KATNAL2: variants seen among roughly 807,000 people sequenced by gnomAD.
KATNAL2 encodes the protein katanin catalytic subunit A1 like 2.
KATNAL2 carries 52 observed loss-of-function variants against 76.3 expected under a neutral mutation model. That is an observed-to-expected ratio of 0.68 (90% CI 0.55 to 0.86). The LOEUF (loss-of-function observed/expected upper bound fraction) is 0.86. Ranked by LOEUF, KATNAL2 falls within the 40% of genes least tolerant of loss-of-function variation. KATNAL2 has a pLI of 0.00. For synonymous variants in KATNAL2, 243 were observed against 244.2 expected (o/e 1.00, Z 0.05); for missense variants, 660 against 668.9 (o/e 0.99, Z 0.15).
chr18:47,033,867 TGA>T (rs1197319609), intron 3 of KATNAL2: 1 of 1,613,880 alleles, frequency 6.2e-7, no homozygotes, highest in African/African-American at 1.3e-5. Flanking sequence ...TCCAGGCCTC[TGA>T]GAGGTCCCAG....
intron 15 of KATNAL2, among the ~76,000 whole-genome samples, chr18:47,094,812 C>G (rs2147393210): frequency 6.6e-6 from 1 of 152,310 alleles, no homozygotes; most frequent in Admixed American, 6.5e-5. Flanking sequence ...TTCAACTGAG[C>G]CTGGTGTTTC....
At chr18:47,081,630 A>G (rs1395622716) in intron 15 of KATNAL2, among the ~76,000 whole-genome samples, 1 of 152,182 alleles carries the variant, frequency 6.6e-6, no homozygotes, top group East Asian at 1.9e-4. Flanking sequence ...GCAGAAATGG[A>G]CAGTTGCCTC....
chr18:47,089,941 A>G (rs2062927722), intron 15 of KATNAL2, among the ~76,000 whole-genome samples: 1 of 152,092 alleles, frequency 6.6e-6, no homozygotes, highest in South Asian at 2.1e-4. Context: ...AGATTAGGTT[A>G]TAAGACTGGC....
At chr18:47,081,262 G>A (rs754705104) in intron 15 of KATNAL2, among the ~76,000 whole-genome samples, 21 of 151,904 alleles carry the variant, frequency 1.4e-4, no homozygotes, top group Middle Eastern at 3.2e-3. Context: ...ATTCAACAGC[G>A]GCACTGTCTA....
rs1485633532 is a variant in KATNAL2, at chr18:47,053,934, C to T, written c.290-462C>T. ...GATCTCACTTCCAGATGGCTAGTTC[C>T]CATCTAGCATGATACCCAAATTCTC... On this transcript the variant is annotated intron_variant, in intron 5 of 17. Transcript: ENST00000683218. 4.6e-5 allele frequency among the ~76,000 whole-genome samples: 7 copies of T among 152,278 alleles called. No homozygotes were observed. The South Asian group carries it at 1.0e-3, about 23-fold the overall frequency.
intron 4 of KATNAL2, among the ~76,000 whole-genome samples, chr18:47,052,437 T>C (rs1266304192): frequency 6.6e-6 from 1 of 152,238 alleles, no homozygotes; most frequent in Non-Finnish European, 1.5e-5. Flanking sequence ...ATTACTTCAA[T>C]GATGGCAAAT....
At chr18:47,090,758 C>A (rs541811665) in intron 15 of KATNAL2, among the ~76,000 whole-genome samples, 1 of 152,130 alleles carries the variant, frequency 6.6e-6, no homozygotes, top group African/African-American at 2.4e-5. Context: ...TGAGTAGAAA[C>A]TCAGAACTAG....
intron 15 of KATNAL2, among the ~76,000 whole-genome samples, chr18:47,080,284 A>G (rs2062445693): frequency 6.6e-6 from 1 of 152,092 alleles, no homozygotes; most frequent in Admixed American, 6.5e-5. Context: ...CAACCCCATT[A>G]GTTTCATTTT....
intron 3 of KATNAL2, among the ~76,000 whole-genome samples, chr18:47,043,317 T>C (rs2061038376): frequency 6.6e-6 from 1 of 151,878 alleles, no homozygotes; most frequent in Admixed American, 6.6e-5. Flanking sequence ...ATGGTAATGT[T>C]ATACCTTTTC....
chr18:47,094,050 G>A (rs934690616), intron 15 of KATNAL2, among the ~76,000 whole-genome samples: 1 of 152,224 alleles, frequency 6.6e-6, no homozygotes, highest in Non-Finnish European at 1.5e-5. Context: ...CCTATGGGAA[G>A]TGTTTAGGTC....
chr18:47,086,615 T>A (rs2062786462), intron 15 of KATNAL2, among the ~76,000 whole-genome samples: 1 of 152,216 alleles, frequency 6.6e-6, no homozygotes, highest in African/African-American at 2.4e-5. Context: ...GTGCCCAGCC[T>A]GTTATTCATC....
intron 3 of KATNAL2, chr18:47,033,892 A>G (rs1382684454): frequency 3.1e-6 from 5 of 1,613,484 alleles, no homozygotes; most frequent in Non-Finnish European, 4.2e-6. Flanking sequence ...CTCTGAGAAG[A>G]CATGGCTGGG....
At chr18:47,066,852 TA>T (rs1799787600) in intron 10 of KATNAL2, among the ~76,000 whole-genome samples, 168 bp from the exon 11 acceptor site, 1 of 34,400 alleles carries the variant, frequency 2.9e-5, no homozygotes, top group African/African-American at 1.2e-4. Context: ...TGTGTTTATA[TA>T]TATATATATA....
intron 8 of KATNAL2, among the ~76,000 whole-genome samples, chr18:47,062,689 T>C (rs1331788382): frequency 6.6e-6 from 1 of 152,106 alleles, no homozygotes; most frequent in Non-Finnish European, 1.5e-5. Context: ...GAAGTCAACA[T>C]ATAAGGGAGG....
chr18:47,058,829 C>T (rs964140112), intron 7 of KATNAL2, among the ~76,000 whole-genome samples: 2 of 152,132 alleles, frequency 1.3e-5, no homozygotes, highest in African/African-American at 4.8e-5. Flanking sequence ...TCCTCCAAAT[C>T]GCACATGGTC....
At chr18:47,036,206 G>A (rs1878348771) in intron 3 of KATNAL2, among the ~76,000 whole-genome samples, 1 of 152,196 alleles carries the variant, frequency 6.6e-6, no homozygotes, top group South Asian at 2.1e-4. Context: ...CAAGGTGGAC[G>A]CCTCATGATC....
chr18:47,082,515 G>A (rs1390596134), intron 15 of KATNAL2, among the ~76,000 whole-genome samples: 3 of 151,948 alleles, frequency 2.0e-5, no homozygotes, highest in African/African-American at 7.3e-5. Context: ...ACTGAACTTG[G>A]TTTTCTTACA....
chr18:47,043,083 C>A (rs1362775968), intron 3 of KATNAL2, among the ~76,000 whole-genome samples: 2 of 151,908 alleles, frequency 1.3e-5, no homozygotes, highest in African/African-American at 2.4e-5. Flanking sequence ...AAAAATTAGC[C>A]GAGCGTGGTG....
intron 15 of KATNAL2, among the ~76,000 whole-genome samples, chr18:47,087,785 G>A (rs955889296): frequency 7.3e-4 from 101 of 138,888 alleles, no homozygotes; most frequent in Non-Finnish European, 9.4e-4. Flanking sequence ...TGTGTGTGTA[G>A]AGCACATACA....
Sources: allele counts gnomAD v4.1 joint callset (sites outside exome capture counted in the v4.1 genomes callset), GRCh38; gene constraint gnomAD v4.1.1; transcripts MANE v1.5; gene names NCBI Gene and HGNC (gene_info 2026-07-23, HGNC 2026-07-21).